Variants in CIMIP6 observed in about 807,000 individuals in gnomAD.
CIMIP6 encodes the protein ciliary microtubule inner protein 6, also known as uncharacterized protein C2orf73.
At chr2:54,381,908 A>T in the CIMIP6 span, 2 of 1,550,706 alleles carry the variant, frequency 1.3e-6, no homozygotes, top group Non-Finnish European at 1.7e-6. Context: ...TGCAGGAAGA[A>T]AAGGAACAGA....
the CIMIP6 span, among the ~76,000 whole-genome samples, chr2:54,370,695 T>G: frequency 6.6e-6 from 1 of 152,166 alleles, no homozygotes; most frequent in Non-Finnish European, 1.5e-5. Context: ...TGCGGGGGCC[T>G]GCTTCCCTTG....
the CIMIP6 span, among the ~76,000 whole-genome samples, chr2:54,344,864 C>G: frequency 1.3e-5 from 2 of 152,088 alleles, no homozygotes; most frequent in Non-Finnish European, 2.9e-5. Context: ...AACAGAAGAT[C>G]TGTTTGGGAA....
At chr2:54,357,271 A>G in the CIMIP6 span, among the ~76,000 whole-genome samples, 2 of 152,234 alleles carry the variant, frequency 1.3e-5, no homozygotes, top group Non-Finnish European at 2.9e-5. Flanking sequence ...AGTTTATAAC[A>G]ATGTCTGAAT....
chr2:54,383,350 TA>T, the CIMIP6 span: 1 of 152,244 alleles, frequency 6.6e-6, no homozygotes, highest in African/African-American at 2.4e-5. Context: ...ATACCTGTCA[TA>T]AACAGATAAC....
At chr2:54,373,236 C>T in the CIMIP6 span, among the ~76,000 whole-genome samples, 137 of 152,204 alleles carry the variant, frequency 9.0e-4, no homozygotes, top group African/African-American at 2.6e-3. Flanking sequence ...CAACCAGCCA[C>T]GCTCCAAGCC....
the CIMIP6 span, chr2:54,360,221 CAG>C: frequency 1.1e-5 from 18 of 1,593,888 alleles, no homozygotes; most frequent in African/African-American, 2.7e-5. Flanking sequence ...AGCTTTTGTA[CAG>C]AGAGAGATAA....
At chr2:54,354,400 G>C in the CIMIP6 span, among the ~76,000 whole-genome samples, 265 of 152,136 alleles carry the variant, frequency 1.7e-3, no homozygotes, top group Non-Finnish European at 2.6e-3. Flanking sequence ...TTAGGTTGTG[G>C]TGACATTATA....
the CIMIP6 span, among the ~76,000 whole-genome samples, chr2:54,356,958 A>G: frequency 1.3e-5 from 2 of 152,160 alleles, no homozygotes; most frequent in African/African-American, 4.8e-5. Flanking sequence ...GAGTTGGACC[A>G]TGATATTCAT....
the CIMIP6 span, among the ~76,000 whole-genome samples, chr2:54,342,566 A>G: frequency 6.0e-5 from 9 of 149,832 alleles, no homozygotes; most frequent in Non-Finnish European, 1.0e-4. Context: ...CTGTCTTTTT[A>G]GAAACTAAGC....
chr2:54,351,039 T>A, the CIMIP6 span, among the ~76,000 whole-genome samples: 2 of 152,212 alleles, frequency 1.3e-5, no homozygotes, highest in South Asian at 4.1e-4. Context: ...ATATTCCAGT[T>A]TGAACATTAT....
chr2:54,343,236 A>T, the CIMIP6 span, among the ~76,000 whole-genome samples: 1 of 152,226 alleles, frequency 6.6e-6, no homozygotes, highest in Non-Finnish European at 1.5e-5. Context: ...TTATGTATGT[A>T]TAGCATTGTG....
At chr2:54,364,518 T>C in the CIMIP6 span, among the ~76,000 whole-genome samples, 1 of 152,142 alleles carries the variant, frequency 6.6e-6, no homozygotes, top group Non-Finnish European at 1.5e-5. Flanking sequence ...GCAGGGCAAA[T>C]AATAATTGCA....
the CIMIP6 span, chr2:54,360,530 C>G: frequency 4.0e-6 from 6 of 1,511,228 alleles, no homozygotes; most frequent in Admixed American, 2.5e-5. Context: ...TAGGCACAAG[C>G]CTTTAAATCC....
chr2:54,358,016 T>G, the CIMIP6 span, among the ~76,000 whole-genome samples: 1 of 152,222 alleles, frequency 6.6e-6, no homozygotes. Context: ...AAAGTAAAAC[T>G]GAGTTTTAAA....
At chr2:54,331,427 G>A in the CIMIP6 span, among the ~76,000 whole-genome samples, 3 of 151,864 alleles carry the variant, frequency 2.0e-5, no homozygotes, top group South Asian at 6.2e-4. Context: ...CAGCCTCCTC[G>A]ACACAGCAGT....
the CIMIP6 span, among the ~76,000 whole-genome samples, chr2:54,380,835 C>CA: frequency 6.6e-6 from 1 of 152,188 alleles, no homozygotes. Flanking sequence ...AACATGGGCA[C>CA]AAAAGACGTA....
At chr2:54,369,068 G>T in the CIMIP6 span, among the ~76,000 whole-genome samples, 18 of 152,264 alleles carry the variant, frequency 1.2e-4, no homozygotes, top group Non-Finnish European at 1.6e-4. Context: ...TGCATCGTAT[G>T]CACAAAGCAT....
the CIMIP6 span, among the ~76,000 whole-genome samples, chr2:54,377,073 T>C: frequency 6.6e-6 from 1 of 152,228 alleles, no homozygotes; most frequent in African/African-American, 2.4e-5. Flanking sequence ...GCTAGCACTC[T>C]TGGGCTTACA....
chr2:54,354,960 A>AT, the CIMIP6 span, among the ~76,000 whole-genome samples: 1 of 152,010 alleles, frequency 6.6e-6, no homozygotes. Context: ...TCTTCCTTAT[A>AT]TATCAGACAT....
Sources: allele counts gnomAD v4.1 joint callset (sites outside exome capture counted in the v4.1 genomes callset), GRCh38; gene constraint gnomAD v4.1.1; transcripts MANE v1.5; gene names NCBI Gene and HGNC (gene_info 2026-07-23, HGNC 2026-07-21).